PAQR5: variants seen among roughly 807,000 people sequenced by gnomAD.
PAQR5 encodes progestin and adipoQ receptor family member 5, also known as membrane progestin receptor gamma.
A neutral mutation model predicts 34.5 loss-of-function variants in PAQR5; 20 were observed. That is an observed-to-expected ratio of 0.58 (90% CI 0.41 to 0.84). The LOEUF is 0.84. Ranked by LOEUF, PAQR5 falls within the 40% of genes least tolerant of loss-of-function variation. The pLI, the probability that PAQR5 is intolerant of heterozygous loss-of-function variation, is 0.00. For missense variants in PAQR5, 378 were observed against 412.7 expected (o/e 0.92, Z 0.73); for synonymous variants, 131 against 155.6 (o/e 0.84, Z 1.18).
chr15:69,299,401 GC>G (rs899859920), intron 1 of PAQR5, among the ~76,000 whole-genome samples: 3 of 151,486 alleles, frequency 2.0e-5, no homozygotes, highest in Admixed American at 6.6e-5. Flanking sequence ...TTCCTCCACC[GC>G]CCCCCTCCCG....
At chr15:69,324,129 C>CAAAAAAAAA (rs55634756) in intron 1 of PAQR5, among the ~76,000 whole-genome samples, 3 of 135,464 alleles carry the variant, frequency 2.2e-5, no homozygotes, top group East Asian at 2.1e-4. Flanking sequence ...ATAGCTAGGG[C>CAAAAAAAAA]AAAAAAAAAA....
intron 1 of PAQR5, among the ~76,000 whole-genome samples, chr15:69,327,601 G>T (rs529113766): frequency 6.6e-6 from 1 of 152,254 alleles, no homozygotes; most frequent in Non-Finnish European, 1.5e-5. Flanking sequence ...GTGCCTGCAG[G>T]TGTGTTGGCT....
intron 1 of PAQR5, among the ~76,000 whole-genome samples, chr15:69,315,864 G>C (rs1054002360): frequency 6.6e-6 from 1 of 152,194 alleles, no homozygotes. Context: ...CCCCTCCACT[G>C]TCATGCACTT....
At chr15:69,369,276 C>T (rs557731664) in intron 3 of PAQR5, among the ~76,000 whole-genome samples, 1 of 152,300 alleles carries the variant, frequency 6.6e-6, no homozygotes. Context: ...TGGCTCACGC[C>T]TGTAATCCCA....
At chr15:69,335,003 C>A (rs991258078) in intron 1 of PAQR5, among the ~76,000 whole-genome samples, 2 of 151,798 alleles carry the variant, frequency 1.3e-5, no homozygotes, top group African/African-American at 4.8e-5. Flanking sequence ...AGTGGGGATC[C>A]CTTGAGGTCA....
intron 4 of PAQR5, among the ~76,000 whole-genome samples, chr15:69,381,836 G>A (rs1055106176): frequency 2.0e-5 from 3 of 152,208 alleles, no homozygotes; most frequent in Admixed American, 2.0e-4. Context: ...AAGTGTAGCT[G>A]GAAGGATTTA....
intron 1 of PAQR5, among the ~76,000 whole-genome samples, chr15:69,313,620 GA>G (rs757257646): frequency 1.3e-5 from 2 of 152,214 alleles, no homozygotes; most frequent in Admixed American, 6.5e-5. Flanking sequence ...AGTATGTCTA[GA>G]AAAGGTAGGA....
In PAQR5 at chr15:69,307,937, G is replaced by T. The variant is rs545559707; in HGVS notation, c.-277+8881G>T. 5.3e-5 allele frequency among the ~76,000 whole-genome samples: 8 copies of T among 152,348 alleles called. No individual in the cohort carries two copies. The East Asian group carries it at 1.5e-3, about 29-fold the overall frequency. On this transcript the variant is annotated intron_variant, in intron 1 of 8. Transcript: ENST00000395407. ...GGAGGAGCAGCTGACTTGACAAGATGAGGAGTGGATAAACTTGGGCCTGGT... is the reference window on the plus strand; with the variant it reads ...GGAGGAGCAGCTGACTTGACAAGATTAGGAGTGGATAAACTTGGGCCTGGT...
At chr15:69,354,866 C>T (rs902392647) in intron 2 of PAQR5, among the ~76,000 whole-genome samples, 2 of 152,170 alleles carry the variant, frequency 1.3e-5, no homozygotes, top group African/African-American at 4.8e-5. Flanking sequence ...AATTCAAATT[C>T]TCTCTCTTTT....
intron 1 of PAQR5, among the ~76,000 whole-genome samples, chr15:69,322,763 A>G (rs58485265): frequency 0.036 from 1,408 of 39,376 alleles, 266 homozygotes; most frequent in East Asian, 0.064. Flanking sequence ...AAGAAGAAGA[A>G]GAAGAAGAGG....
intron 7 of PAQR5, chr15:69,397,845 A>C: frequency 2.2e-6 from 1 of 463,758 alleles, no homozygotes; most frequent in Non-Finnish European, 3.9e-6. Context: ...AGTCTGATAT[A>C]TCTTTCTTTC....
chr15:69,362,818 G>A (rs1056174517), intron 3 of PAQR5, among the ~76,000 whole-genome samples: 1 of 152,122 alleles, frequency 6.6e-6, no homozygotes, highest in Non-Finnish European at 1.5e-5. Flanking sequence ...CCATAGACTC[G>A]AACCCCGGCT....
At position 69,316,034 on chromosome 15, in the gene PAQR5, TG is replaced by T. The variant is rs530302511; in HGVS notation, c.-277+16983del. ...CTTCTGAGCTTGGGCTGCACGTTCT[TG>T]GGGGCTGATTTAGATGAACTGTTAT... On this transcript the variant is annotated intron_variant, in intron 1 of 8. Coordinates refer to ENST00000395407, the MANE Select transcript of PAQR5 (RefSeq NM_017705.4). Among the ~76,000 whole-genome samples, 7 of 152,274 alleles carry T rather than the reference TG, an allele frequency of 4.6e-5. No individual in the cohort carries two copies. The South Asian group carries it at 1.5e-3, about 32-fold the overall frequency.
chr15:69,400,042 G>GA lies in PAQR5; in HGVS notation c.679dup (p.Thr227AsnfsTer22). Reference sequence around the variant, plus strand: ...CGTACCACCAGAAGCACATGATCATGACCCTCCTGGCCTCTTTCTTGTACT... The same window carrying GA: ...CGTACCACCAGAAGCACATGATCATGAACCCTCCTGGCCTCTTTCTTGTACT... On this transcript the variant is annotated frameshift_variant, in exon 8 of 9. Coordinates refer to ENST00000395407, the MANE Select transcript of PAQR5 (RefSeq NM_017705.4). LOFTEE classifies it high-confidence loss of function. 1 of 1,614,178 alleles carries GA rather than the reference G, an allele frequency of 6.2e-7. No homozygotes were observed. Among genetic ancestry groups the GA allele is most frequent in the Non-Finnish European group, 8.5e-7 (1 of 1,179,984 alleles).
chr15:69,362,428 G>A (rs1250955201), intron 3 of PAQR5, among the ~76,000 whole-genome samples: 4 of 152,168 alleles, frequency 2.6e-5, no homozygotes, highest in Non-Finnish European at 5.9e-5. Context: ...GGATTTGGGG[G>A]CAAAGACATT....
At chr15:69,300,120 C>A (rs1299263429) in intron 1 of PAQR5, among the ~76,000 whole-genome samples, 1 of 152,100 alleles carries the variant, frequency 6.6e-6, no homozygotes, top group East Asian at 1.9e-4. Context: ...CTTGACTCAG[C>A]AGAGGTTTGT....
intron 1 of PAQR5, among the ~76,000 whole-genome samples, chr15:69,300,857 CTTTCT>C: frequency 6.7e-5 from 1 of 14,996 alleles, no homozygotes; most frequent in East Asian, 1.9e-3. Flanking sequence ...TTCTTTCTTT[CTTTCT>C]TTCTTTCTTT....
At chr15:69,389,962 G>A (rs570465709) in intron 6 of PAQR5, among the ~76,000 whole-genome samples, 182 bp downstream of exon 6, 2 of 152,284 alleles carry the variant, frequency 1.3e-5, no homozygotes, top group East Asian at 3.9e-4. Flanking sequence ...GCAAGCTCCA[G>A]GCCTCCATGC....
At chr15:69,398,879 A>G (rs2056536310) in intron 7 of PAQR5, among the ~76,000 whole-genome samples, 1 of 152,180 alleles carries the variant, frequency 6.6e-6, no homozygotes, top group Admixed American at 6.5e-5. Context: ...GGTGATGTTG[A>G]TGCTGGAATC....
Sources: gnomAD v4.1 joint callset for allele counts (sites outside exome capture counted in the v4.1 genomes callset) on GRCh38, gnomAD v4.1.1 for gene constraint, MANE v1.5 for transcripts, NCBI Gene and HGNC (gene_info 2026-07-23, HGNC 2026-07-21) for gene names.